Variants in PLA2G7 observed in about 807,000 individuals in gnomAD.
The protein encoded by PLA2G7 is phospholipase A2 group VII.
In PLA2G7, 63 loss-of-function variants were observed where a neutral mutation model predicts 49.6. The observed-to-expected ratio is 1.27, with a 90% CI of 1.04 to 1.57. The LOEUF is 1.57. PLA2G7 is among the 40% of genes most tolerant of loss of function. PLA2G7 has a pLI of 0.00. For missense variants in PLA2G7, 596 were observed against 521.2 expected, an observed-to-expected ratio of 1.14 and a Z score of -1.40; for synonymous variants, 193 against 169.9, an observed-to-expected ratio of 1.14 and a Z score of -1.06.
intron 2 of PLA2G7, among the ~76,000 whole-genome samples, chr6:46,719,963 TG>T (rs1388162400): frequency 6.6e-6 from 1 of 152,208 alleles, no homozygotes; most frequent in Non-Finnish European, 1.5e-5. Context: ...GGGTCTATTT[TG>T]AATTACAAAA....
intron 5 of PLA2G7, among the ~76,000 whole-genome samples, chr6:46,712,609 G>A (rs1174667762): frequency 1.3e-5 from 2 of 152,156 alleles, no homozygotes; most frequent in Non-Finnish European, 2.9e-5. Context: ...CAATGCACAG[G>A]GCAACCCTTC....
Position 46,712,355 on chromosome 6 carries a change from G to A in PLA2G7, c.471-18C>T, listed in dbSNP as rs1765057689. The A allele has an allele frequency of 2.5e-6, 4 of 1,588,934 alleles. No individual in the cohort carries two copies. The highest frequency in any genetic ancestry group is 3.5e-6 in the Non-Finnish European group (4 of 1,157,670). On this transcript the variant is annotated intron_variant, in intron 5 of 11. Transcript: ENST00000274793. Reference sequence around the variant, plus strand: ...AAAGTGTCCTTCAAAACAAAAAGAGGGAAGAATTACAACTACCAGTCATGA... The same window carrying A: ...AAAGTGTCCTTCAAAACAAAAAGAGAGAAGAATTACAACTACCAGTCATGA...
intron 5 of PLA2G7, among the ~76,000 whole-genome samples, chr6:46,713,391 A>G (rs1765095413): frequency 6.6e-6 from 1 of 152,204 alleles, no homozygotes; most frequent in Non-Finnish European, 1.5e-5. Flanking sequence ...CTTTGTCACC[A>G]CTACTGAACT....
At chr6:46,715,604 A>C (rs766191369) in intron 4 of PLA2G7, among the ~76,000 whole-genome samples, 2 of 152,228 alleles carry the variant, frequency 1.3e-5, no homozygotes, top group Non-Finnish European at 2.9e-5. Flanking sequence ...CTCATCTATA[A>C]AATGCAGATG....
intron 2 of PLA2G7, among the ~76,000 whole-genome samples, chr6:46,720,194 C>T (rs3799862): frequency 0.72 from 109,745 of 152,122 alleles, 39,851 homozygotes; most frequent in Admixed American, 0.79. Context: ...GCTAAGGAGC[C>T]CCAGGGCCAC....
At chr6:46,724,316 C>T (rs1046440056) in intron 1 of PLA2G7, among the ~76,000 whole-genome samples, 2 of 152,146 alleles carry the variant, frequency 1.3e-5, no homozygotes, top group African/African-American at 4.8e-5. Context: ...GTTTTTCCCC[C>T]TGCTGTATTC....
intron 1 of PLA2G7, among the ~76,000 whole-genome samples, chr6:46,734,788 A>C (rs1765865463): frequency 6.6e-6 from 1 of 151,418 alleles, no homozygotes; most frequent in African/African-American, 2.4e-5. Context: ...GCGCCTCTGC[A>C]CTCCAGCCTG....
intron 2 of PLA2G7, among the ~76,000 whole-genome samples, chr6:46,719,723 G>A (rs968611828): frequency 1.3e-5 from 2 of 152,154 alleles, no homozygotes; most frequent in Non-Finnish European, 2.9e-5. Flanking sequence ...CCAGCCCACA[G>A]TACAGTTGTA....
At chr6:46,733,618 G>C (rs1765800694) in intron 1 of PLA2G7, among the ~76,000 whole-genome samples, 1 of 152,228 alleles carries the variant, frequency 6.6e-6, no homozygotes, top group African/African-American at 2.4e-5. Flanking sequence ...GCTGAAGTAG[G>C]CCTGCTGGAA....
rs535708231 is a variant in PLA2G7, at chr6:46,729,852, A to G, written c.-35+5328T>C. ...GTCCCCTGGAGTGGGGGCATAAATC[A>G]TCCTCAGCTGAAAACCATTGCTCTC... On this transcript the variant is annotated intron_variant, in intron 1 of 11. Transcript: ENST00000274793. 1.3e-3 allele frequency among the ~76,000 whole-genome samples: 193 copies of G among 152,328 alleles called. 4 individuals carry two copies. The highest frequency in any genetic ancestry group is 4.0e-3 in the African/African-American group (166 of 41,582).
At position 46,710,606 on chromosome 6, in the gene PLA2G7, A is replaced by C. The variant is rs781216565; in HGVS notation, c.716T>G (p.Ile239Ser). Reference protein sequence around the residue: ...CSQALSLILDIDHGKPVKNAL... With the variant: ...CSQALSLILDSDHGKPVKNAL... ...ATTCTTCACTGGCTTTCCATGATCA[A>C]TGTCAAGAATCAGACTGAGAGCTTG... The change falls in exon 8 of 12, where the codon ATT becomes AGT. Residue 239 changes from isoleucine (I) to serine (S), a missense_variant. By Grantham distance (142) the Ile-to-Ser change is moderately radical (BLOSUM62 -2). Coordinates refer to ENST00000274793, the MANE Select transcript of PLA2G7 (RefSeq NM_005084.4). 4 of 1,613,722 alleles carry C rather than the reference A, an allele frequency of 2.5e-6. No individual in the cohort carries two copies. In the Admixed American group the frequency reaches 6.7e-5, roughly 27 times the overall value.
At chr6:46,731,556 G>A (rs1030477363) in intron 1 of PLA2G7, among the ~76,000 whole-genome samples, 17 of 152,028 alleles carry the variant, frequency 1.1e-4, no homozygotes, top group African/African-American at 4.1e-4. Context: ...ATTTTGTGAC[G>A]ACTTGTTTTT....
At chr6:46,733,793 A>T (rs776318146) in intron 1 of PLA2G7, among the ~76,000 whole-genome samples, 1 of 152,150 alleles carries the variant, frequency 6.6e-6, no homozygotes, top group Non-Finnish European at 1.5e-5. Context: ...TCTGAATTCA[A>T]TGTAAGCTCA....
At chr6:46,710,982 C>A (rs1765001648) in intron 7 of PLA2G7, among the ~76,000 whole-genome samples, 1 of 152,132 alleles carries the variant, frequency 6.6e-6, no homozygotes, top group Non-Finnish European at 1.5e-5. Flanking sequence ...ATGTAAAACA[C>A]CCACTATAAA....
intron 1 of PLA2G7, among the ~76,000 whole-genome samples, chr6:46,723,657 T>C (rs966320405): frequency 5.3e-5 from 8 of 152,168 alleles, no homozygotes; most frequent in Non-Finnish European, 1.0e-4. Flanking sequence ...ATTTGGCCCT[T>C]CAACTTTTGT....
rs368934104 is a variant in PLA2G7, at chr6:46,722,929, C to T, written c.-34-4G>A. On this transcript the variant is annotated splice_polypyrimidine_tract_variant and splice_region_variant and intron_variant, in intron 1 of 11. Transcript: ENST00000274793. ...GCAGCAGTTTCAGCTTAGTCTCCTT[C>T]GAAGCAGATGATTAAAAGAAAAAAG... 1.9e-5 allele frequency: 22 copies of T among 1,162,462 alleles called. No homozygotes were observed. The highest frequency in any genetic ancestry group is 1.7e-4 in the South Asian group (14 of 80,710). 72.0% of individuals were successfully genotyped at this position (1,162,462 alleles called of 1,614,324 possible).
At chr6:46,713,057 G>T (rs1765082410) in intron 5 of PLA2G7, among the ~76,000 whole-genome samples, 1 of 152,134 alleles carries the variant, frequency 6.6e-6, no homozygotes, top group African/African-American at 2.4e-5. Context: ...TACATTTTCA[G>T]TACTTATATT....
chr6:46,714,350 C>T lies in PLA2G7; in HGVS notation c.470+110G>A, dbSNP rs45541633. Reference sequence around the variant, plus strand: ...AGCCAATTATTGAGGAAACCCAACTCCTCCAGACAAGGGCCTGCATGACAT... The same window carrying T: ...AGCCAATTATTGAGGAAACCCAACTTCTCCAGACAAGGGCCTGCATGACAT... On this transcript the variant is annotated intron_variant, in intron 5 of 11. Coordinates refer to ENST00000274793, the MANE Select transcript of PLA2G7 (RefSeq NM_005084.4). The T allele has an allele frequency of 1.0e-3, 803 of 790,476 alleles. 3 individuals are homozygous for T. In the African/African-American group the frequency reaches 0.012, roughly 12 times the overall value. The allele number at this position is 790,476 out of a possible 1,614,324, so 49.0% of individuals were successfully genotyped here.
At chr6:46,713,815 A>G (rs1765111389) in intron 5 of PLA2G7, among the ~76,000 whole-genome samples, 1 of 152,158 alleles carries the variant, frequency 6.6e-6, no homozygotes, top group Non-Finnish European at 1.5e-5. Context: ...ATCCATCACC[A>G]TGGTCAAGTG....
Sources: gnomAD v4.1 joint callset for allele counts (sites outside exome capture counted in the v4.1 genomes callset) on GRCh38, gnomAD v4.1.1 for gene constraint, MANE v1.5 for transcripts, NCBI Gene and HGNC (gene_info 2026-07-23, HGNC 2026-07-21) for gene names.